The following PPARGC1A variants were observed in gnomAD, a reference collection of about 807,000 sequenced individuals.
PPARGC1A encodes PPARG coactivator 1 alpha.
A neutral mutation model predicts 88.7 loss-of-function variants in PPARGC1A; 25 were observed. That is an observed-to-expected ratio of 0.28 (90% CI 0.21 to 0.39). PPARGC1A has a LOEUF of 0.39. PPARGC1A is among the 10% of genes least tolerant of loss of function. The probability of loss-of-function intolerance (pLI) is 1.00; values close to 1 mark genes in which losing one functional copy is unlikely to be tolerated. For missense variants in PPARGC1A, 880 were observed against 968.7 expected, an observed-to-expected ratio of 0.91 and a Z score of 1.22; for synonymous variants, 363 against 355.6, an observed-to-expected ratio of 1.02 and a Z score of -0.24.
chr4:24,385,155 C>T, the PPARGC1A span, among the ~76,000 whole-genome samples: 1 of 151,874 alleles, frequency 6.6e-6, no homozygotes, highest in East Asian at 1.9e-4. Flanking sequence ...GGGTAAATAA[C>T]AAAATTAAGG....
chr4:24,452,472 TTATAA>T, the PPARGC1A span, among the ~76,000 whole-genome samples: 1 of 152,142 alleles, frequency 6.6e-6, no homozygotes, highest in Non-Finnish European at 1.5e-5. Context: ...TGTGCACTAG[TTATAA>T]TATGACTTTG....
intron 7 of PPARGC1A, among the ~76,000 whole-genome samples, chr4:23,822,697 A>T (rs975923444): frequency 6.6e-6 from 1 of 152,054 alleles, no homozygotes; most frequent in Non-Finnish European, 1.5e-5. Context: ...CAAGCCCAGA[A>T]TATCTCTAGA....
At chr4:23,961,505 CAT>C in the PPARGC1A span, among the ~76,000 whole-genome samples, 1 of 152,162 alleles carries the variant, frequency 6.6e-6, no homozygotes, top group Non-Finnish European at 1.5e-5. Context: ...ACAGTGACAA[CAT>C]GTGTGGGTAA....
chr4:23,848,928 G>A (rs923148031), intron 2 of PPARGC1A, among the ~76,000 whole-genome samples: 11 of 152,052 alleles, frequency 7.2e-5, no homozygotes, highest in Non-Finnish European at 8.8e-5. Flanking sequence ...CAGATCACGA[G>A]GTCAGGAGAT....
chr4:23,821,783 G>C (rs1560373180), intron 7 of PPARGC1A, among the ~76,000 whole-genome samples: 1 of 151,814 alleles, frequency 6.6e-6, no homozygotes, highest in Non-Finnish European at 1.5e-5. Flanking sequence ...TAGTCTTTCA[G>C]AGGTTAAGTA....
At chr4:24,013,982 T>C in the PPARGC1A span, among the ~76,000 whole-genome samples, 89 of 152,046 alleles carry the variant, frequency 5.9e-4, no homozygotes, top group African/African-American at 1.9e-3. Flanking sequence ...AGCAGGGAAA[T>C]AAAAGAAGTG....
the PPARGC1A span, among the ~76,000 whole-genome samples, chr4:24,074,465 G>T: frequency 6.6e-6 from 1 of 151,900 alleles, no homozygotes; most frequent in East Asian, 1.9e-4. Flanking sequence ...TTTTTCTCCA[G>T]CTTTATTGAA....
the PPARGC1A span, among the ~76,000 whole-genome samples, chr4:24,289,114 G>C: frequency 6.6e-6 from 1 of 151,704 alleles, no homozygotes; most frequent in East Asian, 1.9e-4. Context: ...CAGCTACTTG[G>C]GAGGCTGAGG....
chr4:23,976,961 G>A, the PPARGC1A span, among the ~76,000 whole-genome samples: 4 of 150,588 alleles, frequency 2.7e-5, no homozygotes, highest in East Asian at 5.9e-4. Context: ...AGGAAGAAGA[G>A]GAAAAGGAAA....
chr4:23,844,633 TAA>T (rs1491236648), intron 2 of PPARGC1A, among the ~76,000 whole-genome samples: 1 of 44,736 alleles, frequency 2.2e-5, no homozygotes, highest in Non-Finnish European at 3.6e-5. Flanking sequence ...TAATATATAA[TAA>T]TATATATCAT....
the PPARGC1A span, among the ~76,000 whole-genome samples, chr4:24,353,089 A>G: frequency 6.6e-6 from 1 of 152,144 alleles, no homozygotes; most frequent in Non-Finnish European, 1.5e-5. Context: ...GGCATGTTGC[A>G]TCCATCTGAT....
chr4:24,458,401 T>C, the PPARGC1A span, among the ~76,000 whole-genome samples: 9 of 152,054 alleles, frequency 5.9e-5, no homozygotes, highest in Admixed American at 3.9e-4. Flanking sequence ...CTTGGGAGGC[T>C]GAGGTGGGAG....
Position 23,802,253 on chromosome 4 carries a change from C to T in PPARGC1A, c.2112G>A (p.Glu704=), listed in dbSNP as rs1240968216. ...CATCCCGCAGATTTACTGTGCACTC[C>T]TCAATTTCACCAAAAACTTCAAAAC... ...RDRFEVFGEI[E]ECTVNLRDDG... Residue 704 remains glutamate (E), a synonymous_variant, in exon 11 of 13, where the codon GAG becomes GAA. Coordinates refer to ENST00000264867, the MANE Select transcript of PPARGC1A (RefSeq NM_013261.5). 1 of 1,614,080 alleles carries T rather than the reference C, an allele frequency of 6.2e-7. No homozygotes were observed. The highest frequency in any genetic ancestry group is 1.7e-5 in the Admixed American group (1 of 60,018).
chr4:24,381,370 AC>A, the PPARGC1A span, among the ~76,000 whole-genome samples: 14 of 152,216 alleles, frequency 9.2e-5, no homozygotes, highest in African/African-American at 3.4e-4. Flanking sequence ...GAAAGAAAGC[AC>A]CAAAATTAGA....
intron 2 of PPARGC1A, among the ~76,000 whole-genome samples, chr4:23,834,450 C>T (rs1343578728): frequency 6.6e-6 from 1 of 151,474 alleles, no homozygotes; most frequent in African/African-American, 2.4e-5. Flanking sequence ...GATCACGCCA[C>T]TGCACTCCAG....
chr4:24,100,829 A>G, the PPARGC1A span, among the ~76,000 whole-genome samples: 1 of 152,208 alleles, frequency 6.6e-6, no homozygotes, highest in South Asian at 2.1e-4. Flanking sequence ...GGAAAGCATT[A>G]TGACGGGAAC....
rs1326260066 is a variant in PPARGC1A, at chr4:23,795,815, G to T, written c.*7C>A. 1.3e-6 allele frequency: 2 copies of T among 1,599,404 alleles called. No homozygotes were observed. Among genetic ancestry groups the T allele is most frequent in the South Asian group, 1.1e-5 (1 of 90,132 alleles). On this transcript the variant is annotated 3_prime_UTR_variant, in exon 13 of 13. Transcript: ENST00000264867. ...CATCCCTCTGTCATCCTCAGCTAGG[G>T]AACATGTTACCTGCGCAAGCTTCTC...
chr4:24,168,287 G>A, the PPARGC1A span, among the ~76,000 whole-genome samples: 5 of 152,170 alleles, frequency 3.3e-5, no homozygotes, highest in African/African-American at 4.8e-5. Context: ...CAGGTGAAGT[G>A]TCTTGCCCAT....
chr4:24,280,009 C>A, the PPARGC1A span, among the ~76,000 whole-genome samples: 1 of 152,178 alleles, frequency 6.6e-6, no homozygotes, highest in Non-Finnish European at 1.5e-5. Context: ...CAATATCTAG[C>A]CCATCCGCTC....
Sources: allele counts gnomAD v4.1 joint callset (sites outside exome capture counted in the v4.1 genomes callset), GRCh38; gene constraint gnomAD v4.1.1; transcripts MANE v1.5; gene names NCBI Gene and HGNC (gene_info 2026-07-23, HGNC 2026-07-21).